The following ROBO2 variants were observed in gnomAD, a reference collection of about 807,000 sequenced individuals.
ROBO2 encodes the protein roundabout guidance receptor 2, also known as roundabout homolog 2.
In ROBO2, 53 loss-of-function variants were observed where a neutral mutation model predicts 160.8. The observed-to-expected ratio is 0.33, with a 90% CI of 0.26 to 0.41. The LOEUF is 0.41. ROBO2 is among the 10% of genes least tolerant of loss of function. The pLI is 1.00. For missense variants in ROBO2, 1,577 were observed against 1,722.4 expected (o/e 0.92, Z 1.49); for synonymous variants, 664 against 611.7 (o/e 1.09, Z -1.26).
intron 2 of ROBO2, among the ~76,000 whole-genome samples, chr3:76,879,191 T>A (rs2065132847): frequency 6.6e-6 from 1 of 152,110 alleles, no homozygotes; most frequent in Admixed American, 6.6e-5. Context: ...CCTTTTATAT[T>A]GAAAACATAG....
intron 2 of ROBO2, among the ~76,000 whole-genome samples, chr3:77,415,742 A>G (rs2077164692): frequency 6.6e-6 from 1 of 152,058 alleles, no homozygotes; most frequent in South Asian, 2.1e-4. Context: ...GGCATCGGAA[A>G]ACTCAGAGAT....
intron 2 of ROBO2, among the ~76,000 whole-genome samples, chr3:77,359,658 A>T (rs1302573169): frequency 1.3e-5 from 2 of 152,052 alleles, no homozygotes; most frequent in African/African-American, 4.8e-5. Context: ...AACATCTGAA[A>T]TACCACCTTC....
At chr3:76,819,014 AG>A (rs1320950618) in intron 2 of ROBO2, among the ~76,000 whole-genome samples, 2 of 152,214 alleles carry the variant, frequency 1.3e-5, no homozygotes, top group East Asian at 3.9e-4. Flanking sequence ...CTCAGAACCC[AG>A]GATAATGCAT....
chr3:77,110,112 C>G (rs1181506930), intron 2 of ROBO2, among the ~76,000 whole-genome samples: 1 of 152,188 alleles, frequency 6.6e-6, no homozygotes, highest in Non-Finnish European at 1.5e-5. Flanking sequence ...TGTACAGTTC[C>G]TAGTTGTCAA....
intron 19 of ROBO2, among the ~76,000 whole-genome samples, chr3:77,600,602 T>C (rs567612088): frequency 1.3e-5 from 2 of 152,286 alleles, no homozygotes; most frequent in South Asian, 4.1e-4. Context: ...TGTGTGAAAT[T>C]GGAGCTCAAG....
intron 6 of ROBO2, chr3:77,538,988 G>A (rs2092322019): frequency 7.3e-6 from 3 of 408,310 alleles, no homozygotes; most frequent in Non-Finnish European, 1.5e-5. Context: ...AACAATCTCG[G>A]CTCACTGCAA....
At chr3:76,015,518 A>G (rs553852335) in intron 2 of ROBO2, among the ~76,000 whole-genome samples, 88 of 152,336 alleles carry the variant, frequency 5.8e-4, no homozygotes, top group African/African-American at 2.0e-3. Context: ...ATTTTACACA[A>G]TTTTAGCCAT....
intron 2 of ROBO2, among the ~76,000 whole-genome samples, chr3:76,034,218 G>A (rs749659742): frequency 2.6e-5 from 4 of 152,040 alleles, no homozygotes; most frequent in Non-Finnish European, 5.9e-5. Context: ...GCAGGAGCAT[G>A]GATTTTAAGT....
chr3:76,504,589 T>C (rs887385176), intron 2 of ROBO2, among the ~76,000 whole-genome samples: 1 of 133,708 alleles, frequency 7.5e-6, no homozygotes, highest in Non-Finnish European at 1.5e-5. Flanking sequence ...AGTGCAGTGG[T>C]GCAATCTCAG....
At chr3:77,133,977 A>T (rs1453228965) in intron 2 of ROBO2, among the ~76,000 whole-genome samples, 2 of 152,270 alleles carry the variant, frequency 1.3e-5, no homozygotes, top group East Asian at 3.9e-4. Context: ...AGAAACATAA[A>T]AACAATCTAA....
intron 5 of ROBO2, among the ~76,000 whole-genome samples, chr3:77,510,209 CAGTA>C (rs1287617033): frequency 6.6e-6 from 1 of 151,998 alleles, no homozygotes; most frequent in Admixed American, 6.6e-5. Flanking sequence ...TTAAAGAAGA[CAGTA>C]AACTGTTATA....
Position 77,435,819 on chromosome 3 carries a change from C to T in ROBO2, c.389-41595C>T, listed in dbSNP as rs2079220920. Among the ~76,000 whole-genome samples, 5 of 151,670 alleles carry T rather than the reference C, an allele frequency of 3.3e-5. No individual in the cohort carries two copies. In the South Asian group the frequency reaches 1.0e-3, roughly 32 times the overall value. On this transcript the variant is annotated intron_variant, in intron 2 of 25. Transcript: ENST00000461745. ...AGATTATTGGAGATCATGAAATGAACATATCTTAAAGTATATCTGATAGTT... is the reference window on the plus strand; with the variant it reads ...AGATTATTGGAGATCATGAAATGAATATATCTTAAAGTATATCTGATAGTT...
At chr3:76,657,077 T>C (rs182691005) in intron 2 of ROBO2, among the ~76,000 whole-genome samples, 30 of 152,232 alleles carry the variant, frequency 2.0e-4, no homozygotes, top group African/African-American at 7.0e-4. Flanking sequence ...TTTTTCCCTA[T>C]ACTTTTCTGC....
chr3:76,438,776 T>C, intron 2 of ROBO2, among the ~76,000 whole-genome samples: 1 of 152,254 alleles, frequency 6.6e-6, no homozygotes, highest in Middle Eastern at 3.4e-3. Flanking sequence ...TATTGTAATT[T>C]TTAGTTATCA....
intron 2 of ROBO2, among the ~76,000 whole-genome samples, chr3:76,241,171 G>A (rs1705260391): frequency 6.6e-6 from 1 of 152,054 alleles, no homozygotes; most frequent in Non-Finnish European, 1.5e-5. Context: ...CCCACTCACA[G>A]GTATTTCCTA....
intron 2 of ROBO2, among the ~76,000 whole-genome samples, chr3:76,080,322 A>T (rs1372645301): frequency 6.6e-6 from 1 of 152,238 alleles, no homozygotes; most frequent in African/African-American, 2.4e-5. Context: ...TAGTGAGACC[A>T]TGAAGACATT....
Position 76,145,662 on chromosome 3 carries a change from T to C in ROBO2, c.109+208060T>C, listed in dbSNP as rs1259074593. 4.7e-4 allele frequency among the ~76,000 whole-genome samples: 71 copies of C among 152,052 alleles called. 1 individual carries two copies. Among genetic ancestry groups the C allele is most frequent in the Non-Finnish European group, 1.5e-5 (1 of 67,978 alleles). ...AGATATAGATACAGAAATTTACTTATGTATAACTCCTTAGAAAAAGGACTC... is the reference window on the plus strand; with the variant it reads ...AGATATAGATACAGAAATTTACTTACGTATAACTCCTTAGAAAAAGGACTC... On this transcript the variant is annotated intron_variant, in intron 2 of 26. Coordinates refer to the ROBO2 transcript ENST00000487694.
chr3:77,459,380 A>G (rs190538577), intron 2 of ROBO2, among the ~76,000 whole-genome samples: 56 of 152,310 alleles, frequency 3.7e-4, no homozygotes, highest in Admixed American at 1.1e-3. Context: ...CGGTTTAGTA[A>G]TGACAAGAAT....
chr3:76,762,444 T>G (rs947727232), intron 2 of ROBO2, among the ~76,000 whole-genome samples: 1 of 113,554 alleles, frequency 8.8e-6, no homozygotes, highest in African/African-American at 2.7e-5. Flanking sequence ...AGAATCCAGC[T>G]GTTTTTTTTT....
Sources: allele counts gnomAD v4.1 joint callset (sites outside exome capture counted in the v4.1 genomes callset), GRCh38; gene constraint gnomAD v4.1.1; transcripts MANE v1.5; gene names NCBI Gene and HGNC (gene_info 2026-07-23, HGNC 2026-07-21).